The following HGS variants were observed in gnomAD, a reference collection of about 807,000 sequenced individuals.
HGS encodes the protein human growth factor-regulated tyrosine kinase substrate.
In HGS, 63 loss-of-function variants were observed where a neutral mutation model predicts 109.7. The observed-to-expected ratio is 0.57, with a 90% CI of 0.47 to 0.71. The LOEUF (loss-of-function observed/expected upper bound fraction) is 0.71, where lower values mean the gene tolerates loss of function less well. HGS is among the 30% of genes least tolerant of loss of function. HGS has a pLI of 0.00. For synonymous variants in HGS, 546 were observed against 437.3 expected, an observed-to-expected ratio of 1.25 and a Z score of -3.10; for missense variants, 995 against 1,068.3, an observed-to-expected ratio of 0.93 and a Z score of 0.96.
At position 81,701,106 on chromosome 17, in the gene HGS, C is replaced by T. The variant is rs147280688; in HGVS notation, c.2198C>T (p.Ala733Val). 249 of 1,613,784 alleles carry T rather than the reference C, an allele frequency of 1.5e-4. No individual in the cohort carries two copies. The highest frequency in any genetic ancestry group is 2.0e-4 in the Non-Finnish European group (234 of 1,179,984). Residue 733 changes from alanine (A) to valine (V), a missense_variant, in exon 21 of 22, where the codon GCG becomes GTG. Coordinates refer to ENST00000329138, the MANE Select transcript of HGS (RefSeq NM_004712.5). ...CTGCCACCCCAGCAGCCCTACATCG[C>T]GGGGCAGCAGCCCATGTACCAGCAG... ...ASLPPQQPYI[A>V]GQQPMYQQMA... is the part of the protein sequence containing the mutation.
chr17:81,691,661 G>A lies in HGS; in HGVS notation c.662+90G>A. Reference sequence around the variant, plus strand: ...CTCTTGGCCATGGTGCCTGAGGCCTGCAGACCCCAGAGGACCCTCACAGCA... The same window carrying A: ...CTCTTGGCCATGGTGCCTGAGGCCTACAGACCCCAGAGGACCCTCACAGCA... On this transcript the variant is annotated intron_variant, in intron 8 of 21. Coordinates refer to ENST00000329138, the MANE Select transcript of HGS (RefSeq NM_004712.5). The surrounding 1 kb of genome is among the most constrained non-coding windows in gnomAD (Gnocchi z 5.3). 1 of 1,523,556 alleles carries A rather than the reference G, an allele frequency of 6.6e-7. No individual in the cohort carries two copies. The highest frequency in any genetic ancestry group is 9.0e-7 in the Non-Finnish European group (1 of 1,109,010). The allele number at this position is 1,523,556 out of a possible 1,614,324, so 94.4% of individuals were successfully genotyped here. A position where few individuals can be genotyped will look rare whatever the true frequency, so the allele number is the denominator to read the frequency against.
At chr17:81,684,166 T>C in intron 1 of HGS, 63 bp downstream of exon 1, 3 of 1,269,868 alleles carry the variant, frequency 2.4e-6, no homozygotes, top group Non-Finnish European at 3.1e-6. Context: ...CGGCGCTGAG[T>C]CAGCGCGGCC....
intron 21 of HGS, 155 bp from the exon 22 acceptor site, chr17:81,701,353 G>A: frequency 1.1e-6 from 1 of 915,930 alleles, no homozygotes; most frequent in Non-Finnish European, 1.6e-6. Context: ...GAATTTACTT[G>A]AAAGGCAAAG....
At chr17:81,685,182 C>A in intron 1 of HGS, 2 of 535,498 alleles carry the variant, frequency 3.7e-6, no homozygotes, top group Non-Finnish European at 2.4e-6. Flanking sequence ...CTTGCCCAAG[C>A]TAAGGTCCCA....
intron 8 of HGS, chr17:81,692,848 T>C (rs889158831): frequency 6.6e-6 from 1 of 152,082 alleles, no homozygotes; most frequent in Non-Finnish European, 1.5e-5. Flanking sequence ...AAAATTTTTG[T>C]ATTTTATACA....
intron 18 of HGS, among the ~76,000 whole-genome samples, chr17:81,699,066 C>CA (rs66717663): frequency 0.086 from 8,404 of 97,790 alleles, 283 homozygotes; most frequent in East Asian, 0.28. Flanking sequence ...GACTCCGTCT[C>CA]AAAAAAAAAA....
At position 81,701,563 on chromosome 17, in the gene HGS, A is replaced by AGGCACAGGGGCCGCC. The variant is rs780564847; in HGVS notation, c.2289_2303dup (p.Pro764_Gly768dup). ...CAGCCCCCCGTGGCCCAGCAACCGC[A>AGGCACAGGGGCCGCC]GGCACAGGGGCCGCCGGCACAGGGC... On this transcript the variant is annotated inframe_insertion, in exon 22 of 22. Coordinates refer to ENST00000329138, the MANE Select transcript of HGS (RefSeq NM_004712.5). 6.4e-7 allele frequency: 1 copy of AGGCACAGGGGCCGCC among 1,572,862 alleles called. No homozygotes were observed. Among genetic ancestry groups the AGGCACAGGGGCCGCC allele is most frequent in the Non-Finnish European group, 8.6e-7 (1 of 1,166,460 alleles).
In HGS at chr17:81,685,360, G is replaced by T. The variant is rs565372015; in HGVS notation, c.38-245G>T. ...CCTCTCTGCTGAGTGTCTTTACCTC[G>T]CTCGCGGGTTGTGGGAGGGCTTGGA... On this transcript the variant is annotated intron_variant, in intron 1 of 21. Coordinates refer to ENST00000329138, the MANE Select transcript of HGS (RefSeq NM_004712.5). Among the ~76,000 whole-genome samples the T allele has an allele frequency of 3.5e-3, 537 of 152,280 alleles. 1 individual carries two copies. The highest frequency in any genetic ancestry group is 6.0e-3 in the Non-Finnish European group (409 of 68,026).
chr17:81,690,669 C>A lies in HGS; in HGVS notation c.469-5C>A. The A allele has an allele frequency of 6.2e-7, 1 of 1,611,704 alleles. No individual in the cohort carries two copies. The highest frequency in any genetic ancestry group is 1.7e-5 in the Admixed American group (1 of 59,864). On this transcript the variant is annotated splice_region_variant and splice_polypyrimidine_tract_variant and intron_variant, in intron 6 of 21. Coordinates refer to ENST00000329138, the MANE Select transcript of HGS (RefSeq NM_004712.5). ...CGTGTGGTCCTGACTGCTGCCCCTC[C>A]TCAGGCCCCAGACTGGGTGGACGCT...
chr17:81,691,277 A>C lies in HGS; in HGVS notation c.538-170A>C, dbSNP rs1301768406. The C allele has an allele frequency of 5.4e-6, 4 of 743,456 alleles. No homozygotes were observed. The highest frequency in any genetic ancestry group is 8.9e-6 in the Non-Finnish European group (4 of 449,058). The allele number at this position is 743,456 out of a possible 1,614,324, so 46.1% of individuals were successfully genotyped here. On this transcript the variant is annotated intron_variant, in intron 7 of 21. Coordinates refer to ENST00000329138, the MANE Select transcript of HGS (RefSeq NM_004712.5). The surrounding 1 kb of genome is among the most constrained non-coding windows in gnomAD (Gnocchi z 5.3). ...GGCTGGCGTTGAGACTCCCGGGAGC[A>C]TGTCCAGGTTCCCCGGCCTTAGGGT...
At chr17:81,692,495 G>A (rs1175832354) in intron 8 of HGS, 1 of 152,240 alleles carries the variant, frequency 6.6e-6, no homozygotes, top group Non-Finnish European at 1.5e-5. Context: ...TCTTGTAACT[G>A]AGAAGAACTT....
intron 21 of HGS, 27 bp from the exon 22 acceptor site, chr17:81,701,481 G>A: frequency 7.8e-6 from 12 of 1,534,960 alleles, no homozygotes; most frequent in Non-Finnish European, 9.6e-6. Context: ...GGAGGACCAG[G>A]GCCATGCCTG....
intron 18 of HGS, among the ~76,000 whole-genome samples, chr17:81,699,553 G>A (rs768695521): frequency 3.3e-5 from 5 of 152,168 alleles, no homozygotes; most frequent in Non-Finnish European, 5.9e-5. Flanking sequence ...AGCCTCCTGC[G>A]TAGCTGGGAT....
intron 6 of HGS, 112 bp downstream of exon 6, chr17:81,690,346 T>G: frequency 3.5e-6 from 4 of 1,129,796 alleles, no homozygotes; most frequent in Non-Finnish European, 4.0e-6. Flanking sequence ...CTCGTCTGTC[T>G]GGGACCTGAG....
chr17:81,684,954 G>A (rs2036951584), intron 1 of HGS: 1 of 985,426 alleles, frequency 1.0e-6, no homozygotes, highest in African/African-American at 1.7e-5. Flanking sequence ...GAAAGTGGAC[G>A]TGGCTTGGCT....
intron 1 of HGS, 30 bp from the exon 2 acceptor site, chr17:81,685,575 C>A (rs759328583): frequency 9.6e-6 from 15 of 1,568,040 alleles, no homozygotes; most frequent in Admixed American, 1.7e-5. Context: ...GCAGGATAAC[C>A]CCTCCCTTTC....
At position 81,687,026 on chromosome 17, in the gene HGS, C is replaced by T. The variant is rs749899003; in HGVS notation, c.222C>T (p.Asn74=). 2 of 1,613,348 alleles carry T rather than the reference C, an allele frequency of 1.2e-6. No homozygotes were observed. The highest frequency in any genetic ancestry group is 1.7e-6 in the Non-Finnish European group (2 of 1,179,914). Residue 74 remains asparagine, a synonymous_variant, in exon 4 of 22, where the codon AAC becomes AAT. Transcript: ENST00000329138. ...ALEVMESVVK[N]CGQTVHDEVA... ...AGGTCATGGAATCTGTGGTAAAGAA[C>T]TGTGGCCAGACAGTTCATGATGAGG...
At chr17:81,690,896 G>T in intron 7 of HGS, 154 bp downstream of exon 7, 1 of 602,612 alleles carries the variant, frequency 1.7e-6, no homozygotes, top group Non-Finnish European at 2.9e-6. Flanking sequence ...CGTCAGGAGG[G>T]GGACAGTGAG....
In HGS at chr17:81,685,857, G is replaced by A. The variant is rs147866527; in HGVS notation, c.122+168G>A. Among the ~76,000 whole-genome samples the A allele has an allele frequency of 1.2e-3, 182 of 152,300 alleles. 2 individuals carry two copies. The East Asian group carries it at 0.03, about 25-fold the overall frequency. ...TTTTTGACATCTTGGAGGATTAAGG[G>A]GTTTTCTCTGTACAGCTTGCAGATA... On this transcript the variant is annotated intron_variant, in intron 2 of 21. Coordinates refer to ENST00000329138, the MANE Select transcript of HGS (RefSeq NM_004712.5).
Sources: gnomAD v4.1 joint callset for allele counts (sites outside exome capture counted in the v4.1 genomes callset) on GRCh38, gnomAD v4.1.1 for gene constraint, Gnocchi (gnomAD v3.1) non-coding constraint, MANE v1.5 for transcripts, NCBI Gene and HGNC (gene_info 2026-07-23, HGNC 2026-07-21) for gene names.